The following ERBB4 variants were observed in gnomAD, a reference collection of about 807,000 sequenced individuals.
ERBB4 encodes the protein receptor tyrosine-protein kinase erbB-4.
Under a neutral mutation model 158.0 loss-of-function variants are expected in ERBB4, and 42 were observed. That is an observed-to-expected ratio of 0.27 (90% confidence interval 0.21 to 0.34). ERBB4 has a LOEUF of 0.34. ERBB4 is among the 10% of genes least tolerant of loss of function. ERBB4 has a pLI of 1.00. For synonymous variants in ERBB4, 583 were observed against 558.7 expected (o/e 1.04, Z -0.61); for missense variants, 1,333 against 1,624.1 (o/e 0.82, Z 3.08).
At chr2:211,997,912 C>CAT (rs60519478) in intron 2 of ERBB4, among the ~76,000 whole-genome samples, 8,252 of 122,610 alleles carry the variant, frequency 0.067, 261 homozygotes, top group South Asian at 0.12. Flanking sequence ...ACACACATCA[C>CAT]ACACACACAC....
chr2:211,680,802 T>C lies in ERBB4; in HGVS notation c.1490-1618A>G, dbSNP rs114948111. On this transcript the variant is annotated intron_variant, in intron 12 of 27. Transcript: ENST00000342788. Reference sequence around the variant, plus strand: ...ATCTTGCTACTTCTTGAATAATCTCTTTCAGCATAGTTTAAGAGAGAAATG... The same window carrying C: ...ATCTTGCTACTTCTTGAATAATCTCCTTCAGCATAGTTTAAGAGAGAAATG... Among the ~76,000 whole-genome samples, 1,255 of 152,350 alleles carry C rather than the reference T, an allele frequency of 8.2e-3. 9 individuals are homozygous for C. The highest frequency in any genetic ancestry group is 0.012 in the Non-Finnish European group (825 of 68,030).
intron 3 of ERBB4, among the ~76,000 whole-genome samples, chr2:211,939,441 C>T (rs1174898658): frequency 6.6e-6 from 1 of 151,644 alleles, no homozygotes; most frequent in African/African-American, 2.4e-5. Flanking sequence ...TGCAAACTTC[C>T]ATAACATATG....
chr2:211,543,783 C>T lies in ERBB4; in HGVS notation c.2487+18120G>A, dbSNP rs940911936. Among the ~76,000 whole-genome samples the T allele has an allele frequency of 4.5e-5, 6 of 134,374 alleles. No individual in the cohort carries two copies. In the East Asian group the frequency reaches 1.9e-3, roughly 43 times the overall value. The allele number at this position is 134,374 out of a possible 152,430, so 88.2% of individuals were successfully genotyped here. A position where few individuals can be genotyped will look rare whatever the true frequency, so the allele number is the denominator to read the frequency against. On this transcript the variant is annotated intron_variant, in intron 20 of 27. Transcript: ENST00000342788. ...CAGGCGCTGCTGTAATATCTTGAAT[C>T]TGATTTAAAAGAAGTTTTCAATAAT...
chr2:211,933,878 T>G (rs2080241898), intron 3 of ERBB4, among the ~76,000 whole-genome samples: 1 of 152,058 alleles, frequency 6.6e-6, no homozygotes, highest in Admixed American at 6.6e-5. Context: ...AAATATGTGC[T>G]AAATTTAAGT....
intron 25 of ERBB4, among the ~76,000 whole-genome samples, chr2:211,404,163 T>C (rs2063101133): frequency 6.6e-6 from 1 of 152,130 alleles, no homozygotes; most frequent in Non-Finnish European, 1.5e-5. Flanking sequence ...GCGTTATTTT[T>C]GCAACTGCCC....
chr2:211,864,012 G>C (rs550183433), intron 3 of ERBB4, among the ~76,000 whole-genome samples: 2 of 152,246 alleles, frequency 1.3e-5, no homozygotes, highest in African/African-American at 4.8e-5. Context: ...AAGCCAGAAG[G>C]TCCAGTCCTG....
chr2:211,646,747 T>C (rs2105870075), intron 16 of ERBB4, among the ~76,000 whole-genome samples: 1 of 151,830 alleles, frequency 6.6e-6, no homozygotes, highest in South Asian at 2.1e-4. Flanking sequence ...TGCTGTTAGA[T>C]TCTGATTATG....
rs149942782 is a variant in ERBB4, at chr2:211,449,163, C to A, written c.2488-18063G>T. On this transcript the variant is annotated intron_variant, in intron 20 of 27. Coordinates refer to ENST00000342788, the MANE Select transcript of ERBB4 (RefSeq NM_005235.3). ...AATGTTTCTGAATTCCTATCAGAAC[C>A]TTTTGGCTGAACTAGATAAAATTTA... Among the ~76,000 whole-genome samples, 1,457 of 152,038 alleles carry A rather than the reference C, an allele frequency of 9.6e-3. 9 individuals are homozygous for A. The highest frequency in any genetic ancestry group is 0.016 in the Non-Finnish European group (1,093 of 67,918).
chr2:212,340,034 T>A (rs2088628370), intron 1 of ERBB4, among the ~76,000 whole-genome samples: 1 of 144,744 alleles, frequency 6.9e-6, no homozygotes, highest in South Asian at 2.2e-4. Context: ...TATTCCTAGT[T>A]CAAATTAATA....
At chr2:211,671,477 T>G (rs1355813227) in intron 14 of ERBB4, among the ~76,000 whole-genome samples, 3 of 152,112 alleles carry the variant, frequency 2.0e-5, no homozygotes, top group Admixed American at 2.0e-4. Context: ...AATAAGATAT[T>G]TATAGGAAAT....
intron 20 of ERBB4, among the ~76,000 whole-genome samples, chr2:211,508,946 A>C (rs77478862): frequency 0.022 from 1,481 of 68,034 alleles, 27 homozygotes; most frequent in African/African-American, 0.07. Context: ...AACAAACAAA[A>C]AAACAAAACA....
chr2:211,481,136 T>C (rs1221774912), intron 20 of ERBB4, among the ~76,000 whole-genome samples: 1 of 152,096 alleles, frequency 6.6e-6, no homozygotes, highest in South Asian at 2.1e-4. Flanking sequence ...TAAGAGGTCA[T>C]AGAAACATTA....
At chr2:212,160,501 T>C (rs1334918035) in intron 1 of ERBB4, among the ~76,000 whole-genome samples, 1 of 152,004 alleles carries the variant, frequency 6.6e-6, no homozygotes, top group Non-Finnish European at 1.5e-5. Flanking sequence ...GTCTTATAAA[T>C]GTATATCAGT....
chr2:212,480,419 G>A (rs1240091685), intron 1 of ERBB4, among the ~76,000 whole-genome samples: 5 of 152,230 alleles, frequency 3.3e-5, no homozygotes, highest in East Asian at 1.9e-4. Context: ...AGGCTTTCTC[G>A]GCCACGATGG....
chr2:211,480,691 A>G (rs10199212), intron 20 of ERBB4, among the ~76,000 whole-genome samples: 12,384 of 152,116 alleles, frequency 0.081, 1,379 homozygotes, highest in African/African-American at 0.26. Flanking sequence ...CAGTGTTGCT[A>G]CTGCCCCTAT....
In ERBB4 at chr2:212,156,672, A is replaced by G. The variant is rs554500976; in HGVS notation, c.83-31769T>C. On this transcript the variant is annotated intron_variant, in intron 1 of 27. Transcript: ENST00000342788. Reference sequence around the variant, plus strand: ...TTTTTGGTAAAAGTGAGCAAATATAAGTTCTTGTATTTGTCACTTTTTCAG... The same window carrying G: ...TTTTTGGTAAAAGTGAGCAAATATAGGTTCTTGTATTTGTCACTTTTTCAG... 3.3e-5 allele frequency among the ~76,000 whole-genome samples: 5 copies of G among 152,226 alleles called. No homozygotes were observed. In the South Asian group the frequency reaches 1.0e-3, roughly 32 times the overall value.
chr2:212,313,572 C>T (rs1483649665), intron 1 of ERBB4, among the ~76,000 whole-genome samples: 1 of 150,664 alleles, frequency 6.6e-6, no homozygotes, highest in Non-Finnish European at 1.5e-5. Context: ...TAAAATGTCT[C>T]AACTTAAAAT....
chr2:212,307,602 C>G (rs1009075463), intron 1 of ERBB4, among the ~76,000 whole-genome samples: 1 of 150,740 alleles, frequency 6.6e-6, no homozygotes, highest in Admixed American at 6.6e-5. Flanking sequence ...AATCATTTAT[C>G]TACATGAAAA....
intron 15 of ERBB4, among the ~76,000 whole-genome samples, chr2:211,661,723 G>C (rs1161946078): frequency 6.6e-6 from 1 of 152,002 alleles, no homozygotes; most frequent in East Asian, 1.9e-4. Flanking sequence ...ATCAGTTTAA[G>C]AATATTTTAA....
Sources: gnomAD v4.1 joint callset for allele counts (sites outside exome capture counted in the v4.1 genomes callset) on GRCh38, gnomAD v4.1.1 for gene constraint, MANE v1.5 for transcripts, NCBI Gene and HGNC (gene_info 2026-07-23, HGNC 2026-07-21) for gene names.